The following AMELX variants were observed in gnomAD, a reference collection of about 807,000 sequenced individuals.
The protein encoded by AMELX is amelogenin X-linked.
Under a neutral mutation model 15.8 loss-of-function variants are expected in AMELX, and 9 were observed. The ratio of observed to expected loss-of-function variants is 0.57; its 90% CI spans 0.34 to 0.99. The LOEUF is 0.99. AMELX is among the 50% of genes least tolerant of loss of function. The pLI is 0.02. For synonymous variants in AMELX, 61 were observed against 58.8 expected (o/e 1.04, Z -0.17); for missense variants, 107 against 156.2 (o/e 0.68, Z 1.68).
At chrX:11,306,169 A>T in the AMELX span, among the ~76,000 whole-genome samples, 1 of 111,681 alleles carries the variant, frequency 9.0e-6, no homozygotes, top group Non-Finnish European at 1.9e-5. Context: ...CCATATCCAC[A>T]CATCTGGGAG....
In AMELX at chrX:11,298,587, C is replaced by T. The variant is rs1383091770; in HGVS notation, c.184C>T (p.His62Tyr). 2.5e-6 allele frequency: 3 copies of T among 1,211,429 alleles called. No homozygotes were observed. Among genetic ancestry groups the T allele is most frequent in the Non-Finnish European group, 3.4e-6 (3 of 895,506 alleles). The change falls in exon 5 of 6, where the codon CAC becomes TAC. Residue 62 changes from histidine (H) to tyrosine (Y), a missense_variant. His to Tyr is a moderately conservative substitution (Grantham distance 83). Transcript: ENST00000380714. ...YGYEPMGGWL[H>Y]HQIIPVLSQQ... is the part of the protein sequence containing the mutation. ...TTACGAGCCCATGGGTGGATGGCTG[C>T]ACCACCAAATCATCCCCGTGCTGTC...
chrX:11,297,242 G>A (rs2048101578), intron 3 of AMELX, among the ~76,000 whole-genome samples: 1 of 111,940 alleles, frequency 8.9e-6, no homozygotes, highest in African/African-American at 3.3e-5. Flanking sequence ...TGTGTCTCTT[G>A]CTTGCCTCTG....
intron 3 of AMELX, 29 bp from the exon 4 acceptor site, chrX:11,298,207 A>T (rs754292311): frequency 8.3e-5 from 100 of 1,209,153 alleles, no homozygotes; most frequent in Non-Finnish European, 1.1e-4. Context: ...AATTAAATCA[A>T]ATGGGTTCTA....
intron 3 of AMELX, 41 bp from the exon 4 acceptor site, chrX:11,298,195 T>C: frequency 8.3e-7 from 1 of 1,209,895 alleles, no homozygotes; most frequent in African/African-American, 1.7e-5. Flanking sequence ...TGGATGAAAG[T>C]AAATTAAATC....
chrX:11,307,270 A>G, the AMELX span, among the ~76,000 whole-genome samples: 1 of 111,157 alleles, frequency 9.0e-6, no homozygotes, highest in Non-Finnish European at 1.9e-5. Flanking sequence ...TTCACCGAGA[A>G]TGACAAGAAT....
chrX:11,297,811 G>GA (rs1162490371), intron 3 of AMELX, among the ~76,000 whole-genome samples: 1 of 111,772 alleles, frequency 8.9e-6, no homozygotes. Context: ...TGACATCAAA[G>GA]AAAAAAATGA....
At chrX:11,305,405 A>C (rs1036986850), downstream of AMELX, among the ~76,000 whole-genome samples, 2 of 112,236 alleles carry the variant, frequency 1.8e-5, no homozygotes. Flanking sequence ...ATTTTTAAAA[A>C]CCGTCCGACA....
the AMELX span, among the ~76,000 whole-genome samples, chrX:11,307,708 T>C: frequency 8.9e-6 from 1 of 112,462 alleles, no homozygotes; most frequent in African/African-American, 3.2e-5. Flanking sequence ...ATTGCTAAAA[T>C]GTGCAGTTCT....
chrX:11,296,645 A>AT (rs2048089944), intron 2 of AMELX, 134 bp from the exon 3 acceptor site: 5 of 751,548 alleles, frequency 6.7e-6, no homozygotes, highest in Middle Eastern at 4.5e-4. Context: ...CACTATATAG[A>AT]TTTTTTTAAA....
At position 11,300,525 on chromosome X, in the gene AMELX, G is replaced by A. The variant is rs2048158398; in HGVS notation, c.571-82G>A. 4 of 841,233 alleles carry A rather than the reference G, an allele frequency of 4.8e-6. No homozygotes were observed. In the South Asian group the frequency reaches 6.7e-5, roughly 14 times the overall value. The allele number at this position is 841,233 out of a possible 1,213,427, so 69.3% of individuals were successfully genotyped here. Reference sequence around the variant, plus strand: ...GGTTGTACATTGTTTTGACAAAACTGAAGCCAGACATGTTATTGTAAATGG... The same window carrying A: ...GGTTGTACATTGTTTTGACAAAACTAAAGCCAGACATGTTATTGTAAATGG... On this transcript the variant is annotated intron_variant, in intron 5 of 5. Transcript: ENST00000380714.
chrX:11,298,963 G>T lies in AMELX; in HGVS notation c.560G>T (p.Arg187Leu). ...EAWPSTDKTK[R>L]EEVD is the part of the protein sequence containing the mutation. ...TGGCCATCAACAGACAAGACCAAGC[G>T]GGAGGAAGTGGTGAGTATATTTTGA... The change falls in exon 5 of 6, where the codon CGG becomes CTG. Residue 187 changes from arginine (R) to leucine (L), a missense_variant. Arg to Leu is a moderately radical substitution (Grantham distance 102, BLOSUM62 -2). Transcript: ENST00000380714. The T allele has an allele frequency of 8.3e-7, 1 of 1,209,523 alleles. No homozygotes were observed. Among genetic ancestry groups the T allele is most frequent in the East Asian group, 3.0e-5 (1 of 33,737 alleles).
At chrX:11,306,750 A>G in the AMELX span, among the ~76,000 whole-genome samples, 2 of 112,113 alleles carry the variant, frequency 1.8e-5, no homozygotes, top group African/African-American at 6.5e-5. Context: ...TGTAAATTCA[A>G]CTCCATTAGA....
In AMELX at chrX:11,298,781, C is replaced by T. The variant is rs766873495; in HGVS notation, c.378C>T (p.Pro126=). 5.0e-6 allele frequency: 6 copies of T among 1,211,201 alleles called. No individual in the cohort carries two copies. Among genetic ancestry groups the T allele is most frequent in the East Asian group, 3.0e-5 (1 of 33,827 alleles). Residue 126 remains proline, a synonymous_variant, in exon 5 of 6, where the codon CCC becomes CCT. Coordinates refer to ENST00000380714, the MANE Select transcript of AMELX (RefSeq NM_001142.2). ...ACCTCCCTCCGCCCGCCCAGCAGCCCTACCAGCCCCAGCCTGTTCAGCCAC... is the reference window on the plus strand; with the variant it reads ...ACCTCCCTCCGCCCGCCCAGCAGCCTTACCAGCCCCAGCCTGTTCAGCCAC... ...QPNLPPPAQQ[P]YQPQPVQPQP...
At chrX:11,300,524 T>C in intron 5 of AMELX, 83 bp from the exon 6 acceptor site, 1 of 842,294 alleles carries the variant, frequency 1.2e-6, no homozygotes, top group Non-Finnish European at 1.8e-6. Context: ...TTGACAAAAC[T>C]GAAGCCAGAC....
intron 5 of AMELX, among the ~76,000 whole-genome samples, chrX:11,299,941 C>T (rs903998363): frequency 1.8e-5 from 2 of 111,480 alleles, no homozygotes; most frequent in Non-Finnish European, 3.8e-5. Flanking sequence ...AGTCTCTGTC[C>T]AATTATAAAT....
chrX:11,294,980 A>C, intron 2 of AMELX, 138 bp downstream of exon 2: 1 of 700,549 alleles, frequency 1.4e-6, no homozygotes, highest in Non-Finnish European at 2.2e-6. Context: ...TTGAAGAAAC[A>C]CTTCAGGAGC....
downstream of AMELX, among the ~76,000 whole-genome samples, chrX:11,303,087 A>G (rs1022933429): frequency 5.3e-5 from 6 of 112,765 alleles, no homozygotes; most frequent in Admixed American, 1.9e-4. Context: ...CATGAGACTA[A>G]CAAGAGAAAA....
In AMELX at chrX:11,298,551, C is replaced by T; in HGVS notation, c.148C>T (p.Pro50Ser). ...KWYQSIRPPY[P>S]SYGYEPMGGW... is the part of the protein sequence containing the mutation. ...CTGCCTCTCTGTTTCTCACCAGTAC[C>T]CTTCCTATGGTTACGAGCCCATGGG... Residue 50 changes from proline (P) to serine (S), a missense_variant, in exon 5 of 6, where the codon CCT (proline) becomes TCT (serine). Physicochemically the swap from Pro to Ser is moderately conservative, Grantham distance 74 (BLOSUM62 -1). Coordinates refer to ENST00000380714, the MANE Select transcript of AMELX (RefSeq NM_001142.2). 2 of 1,211,384 alleles carry T rather than the reference C, an allele frequency of 1.7e-6. No individual in the cohort carries two copies. Among genetic ancestry groups the T allele is most frequent in the Non-Finnish European group, 2.2e-6 (2 of 895,460 alleles).
intron 3 of AMELX, 80 bp downstream of exon 3, chrX:11,296,906 C>A (rs1317276101): frequency 8.1e-6 from 9 of 1,105,172 alleles, no homozygotes; most frequent in Non-Finnish European, 8.7e-6. Context: ...TGTGTTGATT[C>A]TTTATCCCAG....
Sources: allele counts gnomAD v4.1 joint callset (sites outside exome capture counted in the v4.1 genomes callset), GRCh38; gene constraint gnomAD v4.1.1; transcripts MANE v1.5; gene names NCBI Gene and HGNC (gene_info 2026-07-23, HGNC 2026-07-21).